The following CMYA5 variants were observed in gnomAD, a reference collection of about 807,000 sequenced individuals.
The protein encoded by CMYA5 is cardiomyopathy associated 5.
CMYA5 carries 246 observed loss-of-function variants against 318.9 expected under a neutral mutation model. The ratio of observed to expected loss-of-function variants is 0.77; its 90% CI spans 0.70 to 0.86. The LOEUF is 0.86. Among genes scored for constraint, CMYA5 ranks in the 40% least tolerant of loss-of-function variants. CMYA5 has a pLI of 0.00. For missense variants in CMYA5, 4,589 were observed against 4,678.2 expected, an observed-to-expected ratio of 0.98 and a Z score of 0.56; for synonymous variants, 1,641 against 1,729.5, an observed-to-expected ratio of 0.95 and a Z score of 1.27.
intron 1 of CMYA5, among the ~76,000 whole-genome samples, chr5:79,716,455 G>A (rs1336761718): frequency 3.3e-5 from 5 of 152,212 alleles, no homozygotes; most frequent in African/African-American, 1.2e-4. Flanking sequence ...AAAAGTAATT[G>A]CGGCTTTTGC....
In CMYA5 at chr5:79,733,514, A is replaced by C. The variant is rs763173640; in HGVS notation, c.4749A>C (p.Thr1583=). ...ATTTAGCATCAGGTTTAGCCCCAAC[A>C]TTACTGCTCCTCAGTGATGATAAGA... ...LENLASGLAP[T]LLLLSDDKNK... Residue 1583 remains threonine, a synonymous_variant, in exon 2 of 13, where the codon ACA becomes ACC. Coordinates refer to ENST00000446378, the MANE Select transcript of CMYA5 (RefSeq NM_153610.5). The C allele has an allele frequency of 6.2e-7, 1 of 1,613,978 alleles. No individual in the cohort carries two copies.
chr5:79,713,112 A>G (rs1580753087), intron 1 of CMYA5, among the ~76,000 whole-genome samples: 1 of 152,294 alleles, frequency 6.6e-6, no homozygotes, highest in East Asian at 1.9e-4. Context: ...GGTGTTGCCT[A>G]TGGTTGAGTG....
In CMYA5 at chr5:79,736,837, A is replaced by C. The variant is rs1828081975; in HGVS notation, c.8072A>C (p.Lys2691Thr). The C allele has an allele frequency of 6.2e-7, 1 of 1,610,414 alleles. No homozygotes were observed. Among genetic ancestry groups the C allele is most frequent in the Non-Finnish European group, 8.5e-7 (1 of 1,179,242 alleles). ...AAAGGCGGTTCAGTAGATATCACAA[A>C]AGAAACTGTGAAACAAGGATTTCAA... Reference protein sequence around the residue: ...LSKGGSVDITKETVKQGFQEK... With the variant: ...LSKGGSVDITTETVKQGFQEK... The change falls in exon 2 of 13, where the codon AAA becomes ACA. Residue 2691 changes from lysine (K) to threonine (T), a missense_variant. Transcript: ENST00000446378.
At chr5:79,788,209 T>C (rs1829114259) in intron 9 of CMYA5, among the ~76,000 whole-genome samples, 1 of 146,406 alleles carries the variant, frequency 6.8e-6, no homozygotes, top group Non-Finnish European at 1.5e-5. Context: ...AGAGCCCTGC[T>C]TGCTTTTTTT....
At chr5:79,799,288 A>T (rs949602613) in intron 12 of CMYA5, 82 bp from the exon 13 acceptor site, 13 of 1,401,336 alleles carry the variant, frequency 9.3e-6, no homozygotes, top group Non-Finnish European at 1.3e-5. Flanking sequence ...TAACTGAAGA[A>T]TTGGTTATTC....
Position 79,732,585 on chromosome 5 carries a change from A to G in CMYA5, c.3820A>G (p.Asn1274Asp), listed in dbSNP as rs1050524401. The change falls in exon 2 of 13, where the codon AAT becomes GAT. Residue 1274 changes from asparagine to aspartate, a missense_variant. Asn to Asp is a conservative substitution (Grantham distance 23). Around this residue, in one of 3 missense-constraint regions of CMYA5, gnomAD observed 2,132 missense variants for 2,131.3 expected, o/e 1.00. Coordinates refer to ENST00000446378, the MANE Select transcript of CMYA5 (RefSeq NM_153610.5). The stretch of plus-strand genomic sequence containing the variant: ...ACTAGAACAGAGAAAGTTGTCCAAG[A>G]ATGAGCCTGAAGTAATAAAACCATA... ...SELEQRKLSK[N>D]EPEVIKPYSP... is the part of the protein sequence containing the mutation. 1 of 1,613,076 alleles carries G rather than the reference A, an allele frequency of 6.2e-7. No individual in the cohort carries two copies. The highest frequency in any genetic ancestry group is 8.5e-7 in the Non-Finnish European group (1 of 1,179,530).
At chr5:79,698,662 G>A (rs2151074976) in intron 1 of CMYA5, among the ~76,000 whole-genome samples, 1 of 152,314 alleles carries the variant, frequency 6.6e-6, no homozygotes, top group East Asian at 1.9e-4. Flanking sequence ...TGCCACATGG[G>A]CTTAGTTCAC....
intron 9 of CMYA5, 119 bp from the exon 10 acceptor site, chr5:79,788,852 G>A: frequency 9.7e-7 from 1 of 1,030,896 alleles, no homozygotes. Flanking sequence ...GGTCATAAAA[G>A]GGGAAGAAAA....
rs748531615 is a variant in CMYA5, at chr5:79,799,532, C to T, written c.12126C>T (p.Val4042=). ...FIIRHRFNEG[V]HPAFALEKPG... is the part of the protein sequence containing the mutation. ...TCAGGCACAGGTTTAATGAGGGTGT[C>T]CACCCTGCCTTTGCCCTGGAGAAAC... The change falls in exon 13 of 13, where the codon GTC becomes GTT. Residue 4042 remains valine (V), a synonymous_variant. Transcript: ENST00000446378. 28 of 1,613,854 alleles carry T rather than the reference C, an allele frequency of 1.7e-5. No homozygotes were observed. The South Asian group carries it at 3.0e-4, about 17-fold the overall frequency.
rs939225099 is a variant in CMYA5 at position 79,767,836 on chromosome 5, G to C, written c.11555+4627G>C. ...TATTAGGTCTGCTTGGTCCAGAGCT[G>C]AGTTCAAGTCCTGAATATGTTAATT... On this transcript the variant is annotated intron_variant, in intron 9 of 12. Transcript: ENST00000446378. 3.3e-5 allele frequency among the ~76,000 whole-genome samples: 5 copies of C among 152,288 alleles called. No individual in the cohort carries two copies. In the South Asian group the frequency reaches 8.3e-4, roughly 25 times the overall value.
chr5:79,795,458 C>T (rs2151101720), intron 12 of CMYA5, among the ~76,000 whole-genome samples: 1 of 152,274 alleles, frequency 6.6e-6, no homozygotes, highest in Admixed American at 6.5e-5. Context: ...GGTTTCCTTC[C>T]TGTCCATTCC....
rs1827892404 is a variant in CMYA5, at chr5:79,731,294, A to G, written c.2529A>G (p.Pro843=). The change falls in exon 2 of 13, where the codon CCA becomes CCG. Residue 843 remains proline (P), a synonymous_variant. Transcript: ENST00000446378. ...TAGACGGCAAGGAGGTCATTGGACC[A>G]TCTTCCCCAGATTTGGTTGTTGCAT... ...LSVDGKEVIG[P]SSPDLVVASE... is the part of the protein sequence containing the mutation. 3 of 1,613,712 alleles carry G rather than the reference A, an allele frequency of 1.9e-6. No homozygotes were observed. Among genetic ancestry groups the G allele is most frequent in the South Asian group, 1.1e-5 (1 of 91,072 alleles).
At chr5:79,775,314 C>T (rs984266726) in intron 9 of CMYA5, among the ~76,000 whole-genome samples, 6 of 152,184 alleles carry the variant, frequency 3.9e-5, no homozygotes, top group African/African-American at 1.4e-4. Context: ...TCAATGGAAA[C>T]CCAATCAGTT....
intron 9 of CMYA5, among the ~76,000 whole-genome samples, chr5:79,764,982 C>T (rs1828723734): frequency 6.6e-6 from 1 of 152,138 alleles, no homozygotes; most frequent in African/African-American, 2.4e-5. Context: ...TGCAGATGCT[C>T]TTTAGTTTAA....
At chr5:79,771,068 GAAAAA>G (rs200789494) in intron 9 of CMYA5, among the ~76,000 whole-genome samples, 1 of 99,434 alleles carries the variant, frequency 1.0e-5, no homozygotes, top group African/African-American at 3.8e-5. Context: ...AGGGAGAGAG[GAAAAA>G]AAAAAAAAAA....
intron 1 of CMYA5, among the ~76,000 whole-genome samples, chr5:79,697,437 G>A (rs758205683): frequency 3.4e-4 from 52 of 152,200 alleles, no homozygotes; most frequent in Non-Finnish European, 6.3e-4. Context: ...GACTTCAGAC[G>A]TCATCTCCCT....
At chr5:79,764,661 C>T (rs1456241964) in intron 9 of CMYA5, among the ~76,000 whole-genome samples, 1 of 152,196 alleles carries the variant, frequency 6.6e-6, no homozygotes, top group East Asian at 1.9e-4. Flanking sequence ...TCTGTTGTTT[C>T]CTGACTTTTT....
At position 79,739,030 on chromosome 5, in the gene CMYA5, A is replaced by C; in HGVS notation, c.10265A>C (p.Glu3422Ala). The C allele has an allele frequency of 1.2e-6, 2 of 1,613,920 alleles. No individual in the cohort carries two copies. Among genetic ancestry groups the C allele is most frequent in the South Asian group, 2.2e-5 (2 of 91,074 alleles). The change falls in exon 2 of 13, where the codon GAA becomes GCA. Residue 3422 changes from glutamate (E) to alanine (A), a missense_variant. By Grantham distance (107) the Glu-to-Ala change is moderately radical. Transcript: ENST00000446378. ...AATAGCCCTGTTCAGGATGAGTATG[A>C]ATTTACAGAATCCCTGCATAATGAA... ...LRNSPVQDEY[E>A]FTESLHNEVV... is the part of the protein sequence containing the mutation.
chr5:79,704,554 G>C (rs781000677), intron 1 of CMYA5, among the ~76,000 whole-genome samples: 2 of 152,126 alleles, frequency 1.3e-5, no homozygotes, highest in Non-Finnish European at 2.9e-5. Flanking sequence ...TATTAGAAGA[G>C]GGAAAAGCAA....
Sources: allele counts gnomAD v4.1 joint callset (sites outside exome capture counted in the v4.1 genomes callset), GRCh38; gene constraint gnomAD v4.1.1; regional missense constraint gnomAD v4.1.1; transcripts MANE v1.5; gene names NCBI Gene and HGNC (gene_info 2026-07-23, HGNC 2026-07-21).